FBXL17: variants seen among roughly 807,000 people sequenced by gnomAD.
The protein encoded by FBXL17 is F-box/LRR-repeat protein 17.
Under a neutral mutation model 66.2 loss-of-function variants are expected in FBXL17, and 22 were observed. The ratio of observed to expected loss-of-function variants is 0.33; its 90% CI spans 0.24 to 0.47. The LOEUF is 0.47. Ranked by LOEUF, FBXL17 falls within the 20% of genes least tolerant of loss-of-function variation. The pLI, the probability that FBXL17 is intolerant of heterozygous loss-of-function variation, is 1.00. For missense variants in FBXL17, 878 were observed against 948.2 expected (o/e 0.93, Z 0.97); for synonymous variants, 474 against 400.5 (o/e 1.18, Z -2.19).
intron 6 of FBXL17, among the ~76,000 whole-genome samples, chr5:108,178,230 T>C (rs904171849): frequency 2.6e-5 from 4 of 151,986 alleles, no homozygotes; most frequent in Non-Finnish European, 4.4e-5. Context: ...AATTTTTTTA[T>C]AAAGACGGGG....
intron 4 of FBXL17, among the ~76,000 whole-genome samples, chr5:108,264,179 C>A (rs913867760): frequency 1.5e-5 from 2 of 131,560 alleles, no homozygotes; most frequent in Admixed American, 1.7e-4. Context: ...CACGCCACAG[C>A]ACTCCAGCCT....
intron 7 of FBXL17, among the ~76,000 whole-genome samples, chr5:107,916,732 G>A (rs1285595349): frequency 6.6e-6 from 1 of 152,094 alleles, no homozygotes; most frequent in Non-Finnish European, 1.5e-5. Context: ...CATAAAATAT[G>A]CTATTTAACT....
At chr5:108,137,401 T>C (rs746690790) in intron 6 of FBXL17, among the ~76,000 whole-genome samples, 2 of 152,126 alleles carry the variant, frequency 1.3e-5, no homozygotes, top group Non-Finnish European at 2.9e-5. Context: ...TGCCTCTACG[T>C]CATGGCATGT....
chr5:108,195,861 A>G (rs1349502866), intron 5 of FBXL17, among the ~76,000 whole-genome samples: 3 of 152,136 alleles, frequency 2.0e-5, no homozygotes, highest in South Asian at 2.1e-4. Context: ...CCATTCCAAG[A>G]GTTTTGGTTT....
At chr5:107,934,984 C>T (rs1365818688) in intron 7 of FBXL17, among the ~76,000 whole-genome samples, 1 of 151,866 alleles carries the variant, frequency 6.6e-6, no homozygotes, top group Non-Finnish European at 1.5e-5. Flanking sequence ...GTCAGGTGGT[C>T]TGTGAAATGA....
chr5:108,020,470 C>A (rs1256737881), intron 7 of FBXL17, among the ~76,000 whole-genome samples: 1 of 151,892 alleles, frequency 6.6e-6, no homozygotes, highest in Admixed American at 6.6e-5. Context: ...CACAAATGGA[C>A]ATTCCCAATG....
intron 6 of FBXL17, among the ~76,000 whole-genome samples, chr5:108,095,744 G>A (rs1749344295): frequency 6.6e-6 from 1 of 152,070 alleles, no homozygotes; most frequent in African/African-American, 2.4e-5. Context: ...GAACTAATAT[G>A]ATGATAAATG....
chr5:107,878,809 C>A (rs11745018), intron 8 of FBXL17: 246,787 of 985,358 alleles, frequency 0.25, 32,549 homozygotes, highest in Admixed American at 0.39. Context: ...GTGTTTGGCT[C>A]TGAGCTGCTT....
intron 6 of FBXL17, among the ~76,000 whole-genome samples, chr5:108,145,600 G>C (rs546720646): frequency 7.2e-5 from 11 of 151,956 alleles, no homozygotes; most frequent in African/African-American, 2.7e-4. Context: ...GGGAAGTCAG[G>C]GATATGAAAC....
chr5:108,143,944 T>C (rs1751460597), intron 6 of FBXL17, among the ~76,000 whole-genome samples: 1 of 152,032 alleles, frequency 6.6e-6, no homozygotes, highest in Admixed American at 6.6e-5. Context: ...CTCAAAAAAC[T>C]TAACCTAATG....
intron 8 of FBXL17, chr5:107,880,460 T>C: frequency 1.0e-6 from 1 of 993,248 alleles, no homozygotes; most frequent in African/African-American, 1.7e-5. Flanking sequence ...TGGCTGGTTC[T>C]ACAGGCCTTC....
At chr5:108,235,614 A>G (rs1440354256) in intron 4 of FBXL17, among the ~76,000 whole-genome samples, 1 of 152,144 alleles carries the variant, frequency 6.6e-6, no homozygotes, top group Non-Finnish European at 1.5e-5. Context: ...GCTATTCAAA[A>G]TCCTCCAGTG....
intron 7 of FBXL17, among the ~76,000 whole-genome samples, chr5:107,931,362 T>A (rs1383190586): frequency 3.3e-5 from 5 of 150,356 alleles, no homozygotes; most frequent in Admixed American, 1.3e-4. Context: ...CAAGCTCAGG[T>A]GATCCTCCCA....
At chr5:107,954,064 C>T (rs1191597341) in intron 7 of FBXL17, among the ~76,000 whole-genome samples, 1 of 152,180 alleles carries the variant, frequency 6.6e-6, no homozygotes, top group Non-Finnish European at 1.5e-5. Flanking sequence ...TTCTTTATAA[C>T]TTGTTATTGG....
chr5:108,131,578 A>C (rs923879207), intron 6 of FBXL17, among the ~76,000 whole-genome samples: 1 of 152,144 alleles, frequency 6.6e-6, no homozygotes, highest in African/African-American at 2.4e-5. Context: ...TTACCAACTA[A>C]TCACCACTGT....
chr5:108,083,580 T>TC (rs1222970588), intron 6 of FBXL17, among the ~76,000 whole-genome samples: 2 of 151,506 alleles, frequency 1.3e-5, no homozygotes, highest in East Asian at 3.9e-4. Context: ...AATTTTTTTT[T>TC]TTTTTTTGGT....
intron 5 of FBXL17, among the ~76,000 whole-genome samples, chr5:108,190,135 G>A (rs544926789): frequency 1.8e-4 from 27 of 152,280 alleles, no homozygotes; most frequent in African/African-American, 5.1e-4. Flanking sequence ...GGAGGGCTGC[G>A]GTGACGTTGT....
At chr5:108,300,917 T>C (rs1758560613) in intron 4 of FBXL17, among the ~76,000 whole-genome samples, 3 of 151,678 alleles carry the variant, frequency 2.0e-5, no homozygotes, top group South Asian at 4.2e-4. Context: ...AATATGTCTG[T>C]ATATATATAT....
At chr5:107,983,250 C>T (rs989435838) in intron 7 of FBXL17, among the ~76,000 whole-genome samples, 2 of 152,058 alleles carry the variant, frequency 1.3e-5, no homozygotes, top group Admixed American at 1.3e-4. Context: ...CTCACTACGT[C>T]GCAGGATCAT....
Sources: allele counts gnomAD v4.1 joint callset (sites outside exome capture counted in the v4.1 genomes callset), GRCh38; gene constraint gnomAD v4.1.1; transcripts MANE v1.5; gene names NCBI Gene and HGNC (gene_info 2026-07-23, HGNC 2026-07-21).